The following TBC1D19 variants were observed in gnomAD, a reference collection of about 807,000 sequenced individuals.
TBC1D19 encodes the protein TBC1 domain family member 19, also known as TBC1 domain family, member 19.
Under a neutral mutation model 89.0 loss-of-function variants are expected in TBC1D19, and 60 were observed. The ratio of observed to expected loss-of-function variants is 0.67; its 90% CI spans 0.55 to 0.84. The LOEUF is 0.84. TBC1D19 is among the 40% of genes least tolerant of loss of function. The pLI, the probability that TBC1D19 is intolerant of heterozygous loss-of-function variation, is 0.00. For missense variants in TBC1D19, 500 were observed against 610.8 expected (o/e 0.82, Z 1.91); for synonymous variants, 189 against 199.7 (o/e 0.95, Z 0.45).
intron 1 of TBC1D19, among the ~76,000 whole-genome samples, chr4:26,602,435 C>CTTTTTTTTT (rs34004440): frequency 9.0e-4 from 66 of 72,980 alleles, no homozygotes; most frequent in East Asian, 1.8e-3. Flanking sequence ...CTATTGTATT[C>CTTTTTTTTT]TTTTTTTTTT....
chr4:26,699,158 A>G (rs1372995289), intron 13 of TBC1D19, among the ~76,000 whole-genome samples: 1 of 152,202 alleles, frequency 6.6e-6, no homozygotes, highest in Non-Finnish European at 1.5e-5. Context: ...AACTCAAACA[A>G]ACTTACAAGA....
chr4:26,808,295 G>C, the TBC1D19 span, among the ~76,000 whole-genome samples: 1 of 152,202 alleles, frequency 6.6e-6, no homozygotes, highest in Admixed American at 6.5e-5. Flanking sequence ...CTGGCACGTA[G>C]TAGGCATCTA....
rs1743192921 is a variant in TBC1D19, at chr4:26,637,270, C to T, written c.354C>T (p.Ile118=). 2 of 1,608,760 alleles carry T rather than the reference C, an allele frequency of 1.2e-6. No individual in the cohort carries two copies. The highest frequency in any genetic ancestry group is 2.2e-5 in the South Asian group (2 of 90,080). The part of the protein sequence containing the change: ...SLNSMCTELS[I]PLARKRPVGE... ...ATAGTATGTGCACTGAACTGAGTAT[C>T]CCACTGGCACGAAAGGTACTTTTAA... The change falls in exon 5 of 21, where the codon ATC becomes ATT. Residue 118 remains isoleucine (I), a synonymous_variant. Coordinates refer to ENST00000264866, the MANE Select transcript of TBC1D19 (RefSeq NM_018317.4).
intron 20 of TBC1D19, chr4:26,754,101 A>C (rs951440737): frequency 9.8e-6 from 5 of 508,270 alleles, no homozygotes; most frequent in Admixed American, 3.1e-5. Flanking sequence ...GTAATAAACA[A>C]GATTATTATA....
intron 17 of TBC1D19, chr4:26,740,541 C>T (rs1002804060): frequency 4.9e-6 from 3 of 607,788 alleles, no homozygotes; most frequent in South Asian, 1.5e-4. Flanking sequence ...ATCCTTTGGC[C>T]TACAATATAA....
the TBC1D19 span, among the ~76,000 whole-genome samples, chr4:26,818,946 A>G: frequency 6.6e-6 from 1 of 152,164 alleles, no homozygotes. Flanking sequence ...ATCCTTCCTA[A>G]TGTCAGGTGC....
chr4:26,835,951 A>G, the TBC1D19 span, among the ~76,000 whole-genome samples: 1 of 150,210 alleles, frequency 6.7e-6, no homozygotes, highest in African/African-American at 2.5e-5. Flanking sequence ...TACCACATGC[A>G]TTCTGGTTCT....
At chr4:26,657,328 A>G (rs1322926320) in intron 7 of TBC1D19, among the ~76,000 whole-genome samples, 1 of 152,004 alleles carries the variant, frequency 6.6e-6, no homozygotes, top group East Asian at 1.9e-4. Flanking sequence ...GAGTGAGAAC[A>G]TACAGTGTTT....
At chr4:26,641,768 A>G (rs890136350) in intron 7 of TBC1D19, among the ~76,000 whole-genome samples, 1 of 152,228 alleles carries the variant, frequency 6.6e-6, no homozygotes, top group Non-Finnish European at 1.5e-5. Flanking sequence ...TGGCACGAGA[A>G]CTATGTGATG....
intron 1 of TBC1D19, among the ~76,000 whole-genome samples, chr4:26,608,416 A>C (rs1162096532): frequency 6.6e-6 from 1 of 152,192 alleles, no homozygotes; most frequent in Non-Finnish European, 1.5e-5. Context: ...TGTTTTATAT[A>C]GGATTCCTAA....
At chr4:26,775,211 G>T in the TBC1D19 span, among the ~76,000 whole-genome samples, 1 of 152,196 alleles carries the variant, frequency 6.6e-6, no homozygotes, top group Non-Finnish European at 1.5e-5. Flanking sequence ...CAGCACTTTG[G>T]AAGGCTAAGG....
the TBC1D19 span, among the ~76,000 whole-genome samples, chr4:26,803,736 A>G: frequency 6.6e-6 from 1 of 152,096 alleles, no homozygotes; most frequent in Non-Finnish European, 1.5e-5. Flanking sequence ...CAGATTAGAG[A>G]GGAAATCTGT....
intron 11 of TBC1D19, among the ~76,000 whole-genome samples, chr4:26,675,882 T>G (rs961840149): frequency 6.6e-6 from 1 of 152,178 alleles, no homozygotes; most frequent in Non-Finnish European, 1.5e-5. Flanking sequence ...TTTTCATACT[T>G]TGAATAGAAT....
the TBC1D19 span, among the ~76,000 whole-genome samples, chr4:26,811,394 G>A: frequency 6.6e-6 from 1 of 152,210 alleles, no homozygotes; most frequent in South Asian, 2.1e-4. Context: ...TGGAGAGAAG[G>A]CAGCAGTTAC....
At chr4:26,691,095 G>A (rs868744611) in intron 13 of TBC1D19, among the ~76,000 whole-genome samples, 3 of 152,332 alleles carry the variant, frequency 2.0e-5, no homozygotes, top group Admixed American at 1.3e-4. Context: ...CAAGACTTCA[G>A]TGGAGGAAGT....
chr4:26,667,611 G>C (rs887249315), intron 9 of TBC1D19, among the ~76,000 whole-genome samples: 11 of 151,986 alleles, frequency 7.2e-5, no homozygotes, highest in Admixed American at 5.3e-4. Flanking sequence ...AAATATTTGG[G>C]AAGTTGCAAG....
At chr4:26,714,266 T>C (rs1361401178) in intron 13 of TBC1D19, among the ~76,000 whole-genome samples, 1 of 151,838 alleles carries the variant, frequency 6.6e-6, no homozygotes, top group Non-Finnish European at 1.5e-5. Flanking sequence ...TGTTTTTTCT[T>C]TTTTTTTATT....
At chr4:26,829,280 C>T in the TBC1D19 span, among the ~76,000 whole-genome samples, 73 of 152,342 alleles carry the variant, frequency 4.8e-4, no homozygotes, top group African/African-American at 1.7e-3. Flanking sequence ...AGTCTCTGTT[C>T]TCGCTGTGGG....
chr4:26,799,370 C>T, the TBC1D19 span, among the ~76,000 whole-genome samples: 1 of 152,012 alleles, frequency 6.6e-6, no homozygotes, highest in Non-Finnish European at 1.5e-5. Flanking sequence ...AAACAAAAAA[C>T]TAAGGTGGGT....
Sources: allele counts gnomAD v4.1 joint callset (sites outside exome capture counted in the v4.1 genomes callset), GRCh38; gene constraint gnomAD v4.1.1; transcripts MANE v1.5; gene names NCBI Gene and HGNC (gene_info 2026-07-23, HGNC 2026-07-21).